KCNQ5: variants seen among roughly 807,000 people sequenced by gnomAD.
KCNQ5 encodes the protein potassium voltage-gated channel subfamily KQT member 5.
KCNQ5 carries 30 observed loss-of-function variants against 98.2 expected under a neutral mutation model. The observed-to-expected ratio is 0.31, with a 90% CI of 0.23 to 0.41. The LOEUF (loss-of-function observed/expected upper bound fraction) is 0.41. Among genes scored for constraint, KCNQ5 ranks in the 10% least tolerant of loss-of-function variants. The pLI is 1.00. For missense variants in KCNQ5, 835 were observed against 1,182.5 expected (o/e 0.71, Z 4.31); for synonymous variants, 458 against 449.4 (o/e 1.02, Z -0.24).
chr6:72,980,351 A>G (rs929089488), intron 1 of KCNQ5, among the ~76,000 whole-genome samples: 1 of 152,026 alleles, frequency 6.6e-6, no homozygotes, highest in African/African-American at 2.4e-5. Context: ...CTTTTATTTC[A>G]TTGAGCAGTG....
At chr6:72,796,554 C>T (rs1774346185) in intron 1 of KCNQ5, among the ~76,000 whole-genome samples, 1 of 152,170 alleles carries the variant, frequency 6.6e-6, no homozygotes, top group Admixed American at 6.5e-5. Context: ...TAGCACTGTC[C>T]CTGTCCTTAA....
intron 1 of KCNQ5, among the ~76,000 whole-genome samples, chr6:72,831,336 CCAT>C (rs1189921949): frequency 6.6e-6 from 1 of 152,106 alleles, no homozygotes; most frequent in Non-Finnish European, 1.5e-5. Context: ...ACCCAAATGT[CCAT>C]CAATGATAGA....
intron 1 of KCNQ5, among the ~76,000 whole-genome samples, chr6:72,995,136 A>C (rs1262750793): frequency 2.0e-5 from 3 of 152,198 alleles, no homozygotes; most frequent in Non-Finnish European, 4.4e-5. Flanking sequence ...TGGGAAGCCA[A>C]GGCGAGTGGA....
At chr6:72,730,169 G>A (rs543644728) in intron 1 of KCNQ5, among the ~76,000 whole-genome samples, 1 of 152,010 alleles carries the variant, frequency 6.6e-6, no homozygotes, top group African/African-American at 2.4e-5. Context: ...TATAAAGAAA[G>A]AAATAATAAA....
chr6:73,137,505 G>A (rs778607772), intron 10 of KCNQ5, among the ~76,000 whole-genome samples: 2 of 152,148 alleles, frequency 1.3e-5, no homozygotes, highest in African/African-American at 2.4e-5. Flanking sequence ...TTGACAGTAT[G>A]TAACCCTCTT....
chr6:72,687,329 C>T (rs1011737256), intron 1 of KCNQ5, among the ~76,000 whole-genome samples: 6 of 152,188 alleles, frequency 3.9e-5, no homozygotes, highest in Admixed American at 6.5e-5. Context: ...CCCAGAAAAG[C>T]TGTGAACTCC....
intron 10 of KCNQ5, among the ~76,000 whole-genome samples, 195 bp from the exon 11 acceptor site, chr6:73,169,551 T>C (rs1327416237): frequency 1.3e-5 from 2 of 152,208 alleles, no homozygotes; most frequent in African/African-American, 4.8e-5. Flanking sequence ...CAGAAAAGTA[T>C]TCATATTTAA....
chr6:72,635,670 GT>G (rs528990234), intron 1 of KCNQ5, among the ~76,000 whole-genome samples: 2,124 of 65,086 alleles, frequency 0.033, 14 homozygotes, highest in African/African-American at 0.057. Context: ...ATTGCTCCTA[GT>G]TTTTTTTTTT....
At chr6:73,099,666 A>G (rs1011810874) in intron 5 of KCNQ5, among the ~76,000 whole-genome samples, 6 of 152,214 alleles carry the variant, frequency 3.9e-5, no homozygotes, top group African/African-American at 1.4e-4. Flanking sequence ...ACACTGGAGC[A>G]CCCAGATATA....
Position 72,687,236 on chromosome 6 carries a change from A to T in KCNQ5, c.398+64649A>T, listed in dbSNP as rs141801619. ...TGCTCTCTGCTCTGTTTCCACTGAC[A>T]TTGATTGTCTGGACCATATATTTGA... is the stretch of plus-strand genomic sequence containing the variant. On this transcript the variant is annotated intron_variant, in intron 1 of 13. Transcript: ENST00000370398. 1.5e-3 allele frequency among the ~76,000 whole-genome samples: 235 copies of T among 152,320 alleles called. 1 individual carries two copies. The highest frequency in any genetic ancestry group is 5.1e-3 in the African/African-American group (214 of 41,568).
chr6:73,176,788 G>C (rs1228467054), intron 11 of KCNQ5, among the ~76,000 whole-genome samples: 1 of 152,170 alleles, frequency 6.6e-6, no homozygotes, highest in African/African-American at 2.4e-5. Context: ...GCATTATTGT[G>C]AGTGTTGAGT....
intron 10 of KCNQ5, chr6:73,136,177 C>T (rs1273676748): frequency 6.6e-6 from 1 of 152,188 alleles, no homozygotes; most frequent in Non-Finnish European, 1.5e-5. Context: ...AGAAATCATA[C>T]ATTACATATT....
At chr6:72,629,760 T>A (rs991138858) in intron 1 of KCNQ5, among the ~76,000 whole-genome samples, 3 of 152,224 alleles carry the variant, frequency 2.0e-5, no homozygotes, top group African/African-American at 4.8e-5. Flanking sequence ...ATCTTTAATA[T>A]GTATGTGTTT....
At chr6:72,807,857 GGAAAAGTGT>G (rs1446200165) in intron 1 of KCNQ5, among the ~76,000 whole-genome samples, 2 of 152,190 alleles carry the variant, frequency 1.3e-5, no homozygotes, top group Non-Finnish European at 2.9e-5. Flanking sequence ...CACAGGATGT[GGAAAAGTGT>G]TCCAGGCAGA....
intron 1 of KCNQ5, among the ~76,000 whole-genome samples, chr6:72,963,065 G>A (rs1330887622): frequency 2.0e-5 from 3 of 152,018 alleles, no homozygotes; most frequent in Non-Finnish European, 2.9e-5. Context: ...AATAAATAAA[G>A]CACTAAGTTA....
At chr6:72,891,718 A>G (rs1401497273) in intron 1 of KCNQ5, among the ~76,000 whole-genome samples, 2 of 152,194 alleles carry the variant, frequency 1.3e-5, no homozygotes, top group Non-Finnish European at 2.9e-5. Context: ...TTCCTAAAAT[A>G]AAGAAATATA....
chr6:72,960,438 T>G (rs1767286265), intron 1 of KCNQ5, among the ~76,000 whole-genome samples: 1 of 152,186 alleles, frequency 6.6e-6, no homozygotes, highest in Non-Finnish European at 1.5e-5. Context: ...TTGTTTTGTT[T>G]TTATTTTTTG....
chr6:73,024,034 A>G (rs142725488), intron 2 of KCNQ5, among the ~76,000 whole-genome samples: 23 of 152,190 alleles, frequency 1.5e-4, no homozygotes, highest in Non-Finnish European at 3.1e-4. Context: ...TACTAGCATC[A>G]CTCCCAAATG....
chr6:72,795,123 A>C (rs1774259919), intron 1 of KCNQ5, among the ~76,000 whole-genome samples: 1 of 152,310 alleles, frequency 6.6e-6, no homozygotes, highest in South Asian at 2.1e-4. Context: ...AATTATTCTA[A>C]TCCGAGCAAA....
Sources: gnomAD v4.1 joint callset for allele counts (sites outside exome capture counted in the v4.1 genomes callset) on GRCh38, gnomAD v4.1.1 for gene constraint, MANE v1.5 for transcripts, NCBI Gene and HGNC (gene_info 2026-07-23, HGNC 2026-07-21) for gene names.